Variants in FAR2 observed in about 807,000 individuals in gnomAD.
FAR2 encodes the protein fatty acyl-CoA reductase 2.
In FAR2, 19 loss-of-function variants were observed where a neutral mutation model predicts 56.0. The observed-to-expected ratio is 0.34, with a 90% CI of 0.24 to 0.50. The LOEUF (loss-of-function observed/expected upper bound fraction) is 0.50, where lower values mean the gene tolerates loss of function less well. Among genes scored for constraint, FAR2 ranks in the 20% least tolerant of loss-of-function variants. The probability of loss-of-function intolerance (pLI) is 0.98; values close to 1 mark genes in which losing one functional copy is unlikely to be tolerated. For synonymous variants in FAR2, 219 were observed against 218.8 expected (o/e 1.00, Z -0.01); for missense variants, 508 against 642.2 (o/e 0.79, Z 2.26).
At chr12:29,232,272 C>G (rs1591873765) in intron 1 of FAR2, among the ~76,000 whole-genome samples, 1 of 152,316 alleles carries the variant, frequency 6.6e-6, no homozygotes, top group East Asian at 1.9e-4. Flanking sequence ...TGCGTTGACC[C>G]TGAAACAGCT....
chr12:29,293,469 C>T lies in FAR2; in HGVS notation c.359C>T (p.Thr120Ile). The T allele has an allele frequency of 6.4e-7, 1 of 1,551,396 alleles. No homozygotes were observed. The highest frequency in any genetic ancestry group is 1.4e-5 in the African/African-American group (1 of 72,276). ...HCAATVRFDDTLRHAVQLNVT... is the reference protein window; with the variant it reads ...HCAATVRFDDILRHAVQLNVT... ...GCAGCCACTGTACGCTTTGACGACA[C>T]TCTCAGGTACATTCCCATTTCCCTC... The change falls in exon 3 of 12, where the codon ACT becomes ATT. Residue 120 changes from threonine (T) to isoleucine (I), a missense_variant. Physicochemically the swap from Thr to Ile is moderately conservative, Grantham distance 89. Transcript: ENST00000536681.
At chr12:29,276,943 CA>C (rs35637703) in intron 2 of FAR2, among the ~76,000 whole-genome samples, 4,153 of 142,598 alleles carry the variant, frequency 0.029, 61 homozygotes, top group Middle Eastern at 0.043. Flanking sequence ...AACTCTGTCT[CA>C]AAAAAAAAAA....
Position 29,149,347 on chromosome 12 carries a change from G to A in FAR2, c.-99G>A, listed in dbSNP as rs1335182179. On this transcript the variant is annotated 5_prime_UTR_variant, in exon 1 of 12. Coordinates refer to ENST00000536681, the MANE Select transcript of FAR2 (RefSeq NM_001271783.2). ...TGGCTGGAGCGCTTCCCGTAGCCTCGGGGAAGGAGCAGGATTTAGAGGACC... is the reference window on the plus strand; with the variant it reads ...TGGCTGGAGCGCTTCCCGTAGCCTCAGGGAAGGAGCAGGATTTAGAGGACC... 1 of 152,510 alleles carries A rather than the reference G, an allele frequency of 6.6e-6. No homozygotes were observed. The highest frequency in any genetic ancestry group is 1.5e-5 in the Non-Finnish European group (1 of 68,274). 9.4% of individuals were successfully genotyped at this position (152,510 alleles called of 1,614,324 possible).
intron 1 of FAR2, among the ~76,000 whole-genome samples, chr12:29,234,145 T>G (rs1228488612): frequency 6.6e-6 from 1 of 152,166 alleles, no homozygotes; most frequent in Non-Finnish European, 1.5e-5. Context: ...TGAACTCATC[T>G]AGTCCCATGG....
chr12:29,201,536 TA>T (rs1443134147), intron 1 of FAR2, among the ~76,000 whole-genome samples: 1 of 152,160 alleles, frequency 6.6e-6, no homozygotes, highest in Non-Finnish European at 1.5e-5. Flanking sequence ...GTCCGGGGCA[TA>T]AATGGAGGTC....
intron 1 of FAR2, among the ~76,000 whole-genome samples, chr12:29,241,403 A>G (rs745350097): frequency 2.0e-5 from 3 of 151,960 alleles, no homozygotes; most frequent in Non-Finnish European, 4.4e-5. Context: ...GATCTTCTTT[A>G]TTTATTTAGA....
chr12:29,284,827 A>T (rs2136732664), intron 2 of FAR2, among the ~76,000 whole-genome samples: 1 of 104,844 alleles, frequency 9.5e-6, no homozygotes, highest in Admixed American at 8.7e-5. Flanking sequence ...TAGAAGCATT[A>T]CTGTTTTGTT....
intron 2 of FAR2, among the ~76,000 whole-genome samples, chr12:29,273,231 C>G (rs1948649203): frequency 6.6e-6 from 1 of 152,312 alleles, no homozygotes; most frequent in South Asian, 2.1e-4. Context: ...CTCAGAACTA[C>G]CAGGAGGAGA....
intron 2 of FAR2, chr12:29,278,013 C>A (rs1384576055): frequency 2.2e-5 from 3 of 138,504 alleles, no homozygotes; most frequent in Non-Finnish European, 4.6e-5. Context: ...CTCACTGTAA[C>A]CTTAAACTCC....
intron 1 of FAR2, among the ~76,000 whole-genome samples, chr12:29,167,795 T>C (rs1438596405): frequency 6.6e-6 from 1 of 152,232 alleles, no homozygotes; most frequent in African/African-American, 2.4e-5. Context: ...TTTTGCCTTA[T>C]TCAGTAAGGA....
intron 1 of FAR2, among the ~76,000 whole-genome samples, chr12:29,186,842 G>A (rs541605493): frequency 1.3e-5 from 2 of 151,994 alleles, no homozygotes; most frequent in East Asian, 1.9e-4. Context: ...AGGCTGGAGT[G>A]CAGTGGCGCA....
At chr12:29,308,043 C>G in intron 5 of FAR2, 1 of 494,252 alleles carries the variant, frequency 2.0e-6, no homozygotes, top group East Asian at 3.6e-5. Context: ...ATCTTGACTG[C>G]CCTAGAGTTG....
At chr12:29,153,163 C>T (rs10843332) in intron 1 of FAR2, among the ~76,000 whole-genome samples, 19,015 of 152,098 alleles carry the variant, frequency 0.13, 1,287 homozygotes, top group African/African-American at 0.17. Context: ...AACCTACAGA[C>T]ATTTACAAAA....
chr12:29,180,458 C>G (rs1484658721), intron 1 of FAR2, among the ~76,000 whole-genome samples: 2 of 152,138 alleles, frequency 1.3e-5, no homozygotes, highest in Non-Finnish European at 2.9e-5. Flanking sequence ...CAATGAAACC[C>G]TCCATCCACA....
intron 3 of FAR2, among the ~76,000 whole-genome samples, chr12:29,294,358 T>G (rs569502352): frequency 4.4e-4 from 67 of 152,248 alleles, no homozygotes; most frequent in South Asian, 6.2e-4. Context: ...TAATTTTTTT[T>G]TTGTTGTTGA....
intron 4 of FAR2, among the ~76,000 whole-genome samples, chr12:29,305,391 G>A (rs2136777469): frequency 6.6e-6 from 1 of 152,156 alleles, no homozygotes; most frequent in East Asian, 1.9e-4. Flanking sequence ...TCCTTCCTCA[G>A]CCTCCCAAAG....
chr12:29,206,155 C>T (rs1947476278), intron 1 of FAR2, among the ~76,000 whole-genome samples: 1 of 152,186 alleles, frequency 6.6e-6, no homozygotes, highest in Non-Finnish European at 1.5e-5. Flanking sequence ...CCCAAAGATC[C>T]AGCAGTCCTC....
chr12:29,286,962 TATGCAAAAACACA>T lies in FAR2; in HGVS notation c.190-6334_190-6322del, dbSNP rs560913098. On this transcript the variant is annotated intron_variant, in intron 2 of 11. Coordinates refer to ENST00000536681, the MANE Select transcript of FAR2 (RefSeq NM_001271783.2). ...TCAGGTGGTTGGCATTTTAGATAAA[TATGCAAAAACACA>T]ATGACCCAGAGAGGTAAGTAACTTC... Among the ~76,000 whole-genome samples, 6 of 152,260 alleles carry T rather than the reference TATGCAAAAACACA, an allele frequency of 3.9e-5. No homozygotes were observed. The South Asian group carries it at 1.0e-3, about 26-fold the overall frequency.
chr12:29,207,079 C>G (rs767585787), intron 1 of FAR2, among the ~76,000 whole-genome samples: 1 of 152,114 alleles, frequency 6.6e-6, no homozygotes, highest in African/African-American at 2.4e-5. Context: ...GCAGAAAAGT[C>G]AGGTTGCATC....
Sources: gnomAD v4.1 joint callset for allele counts (sites outside exome capture counted in the v4.1 genomes callset) on GRCh38, gnomAD v4.1.1 for gene constraint, MANE v1.5 for transcripts, NCBI Gene and HGNC (gene_info 2026-07-23, HGNC 2026-07-21) for gene names.